Variants in LARGE1 observed in about 807,000 individuals in gnomAD.
LARGE1 encodes the protein LARGE xylosyl- and glucuronyltransferase 1.
A neutral mutation model predicts 87.6 loss-of-function variants in LARGE1; 43 were observed. The ratio of observed to expected loss-of-function variants is 0.49; its 90% CI spans 0.38 to 0.63. The LOEUF (loss-of-function observed/expected upper bound fraction) is 0.63, where lower values mean the gene tolerates loss of function less well. Ranked by LOEUF, LARGE1 falls within the 30% of genes least tolerant of loss-of-function variation. LARGE1 has a pLI of 0.00. For missense variants in LARGE1, 802 were observed against 1,000.2 expected (o/e 0.80, Z 2.67); for synonymous variants, 434 against 394.6 (o/e 1.10, Z -1.18).
At chr22:33,682,593 G>A (rs770652878) in intron 2 of LARGE1, among the ~76,000 whole-genome samples, 4 of 152,098 alleles carry the variant, frequency 2.6e-5, no homozygotes, top group South Asian at 4.1e-4. Context: ...TTCCATTTCC[G>A]CAACTCTTTC....
chr22:33,750,004 T>C (rs1024345485), intron 2 of LARGE1, among the ~76,000 whole-genome samples: 10 of 152,238 alleles, frequency 6.6e-5, no homozygotes, highest in East Asian at 1.9e-4. Context: ...ATCTATAAAA[T>C]GGGACAAGGA....
the LARGE1 span, among the ~76,000 whole-genome samples, chr22:33,081,791 G>A: frequency 6.6e-6 from 1 of 152,168 alleles, no homozygotes; most frequent in Admixed American, 6.5e-5. Flanking sequence ...TAGGGAAAGG[G>A]AGGGGAGAAA....
intron 11 of LARGE1, among the ~76,000 whole-genome samples, chr22:33,192,849 G>C (rs796427862): frequency 2.0e-5 from 3 of 152,192 alleles, no homozygotes; most frequent in African/African-American, 7.2e-5. Context: ...TTTGTGTATG[G>C]GGTGAGATAA....
chr22:33,728,791 AT>A (rs1601442234), intron 2 of LARGE1, among the ~76,000 whole-genome samples: 1 of 152,134 alleles, frequency 6.6e-6, no homozygotes, highest in Non-Finnish European at 1.5e-5. Flanking sequence ...ACACTCAATA[AT>A]TATCAAGTCT....
At chr22:33,456,311 G>A (rs190118729) in intron 6 of LARGE1, among the ~76,000 whole-genome samples, 33 of 152,218 alleles carry the variant, frequency 2.2e-4, no homozygotes, top group Non-Finnish European at 4.0e-4. Flanking sequence ...CATCTATACC[G>A]AGAATCTTCC....
intron 6 of LARGE1, among the ~76,000 whole-genome samples, chr22:33,540,303 C>G (rs1030442801): frequency 2.6e-5 from 4 of 152,204 alleles, no homozygotes; most frequent in African/African-American, 7.2e-5. Context: ...CAAGTCCCCC[C>G]CTGTGCTGTT....
intron 6 of LARGE1, among the ~76,000 whole-genome samples, chr22:33,489,972 G>A (rs2148278515): frequency 6.6e-6 from 1 of 152,266 alleles, no homozygotes; most frequent in African/African-American, 2.4e-5. Context: ...GACTTCACAT[G>A]CACATCTTAC....
chr22:33,860,115 G>A (rs1156636036), intron 1 of LARGE1, among the ~76,000 whole-genome samples: 2 of 152,068 alleles, frequency 1.3e-5, no homozygotes, highest in African/African-American at 4.8e-5. Context: ...TCAATCTTAT[G>A]TGTATTTTAC....
rs556904019 is a variant in LARGE1 at position 33,299,264 on chromosome 22, AAAAG to A, written c.1730+4961_1730+4964del. Among the ~76,000 whole-genome samples, 49 of 151,736 alleles carry A rather than the reference AAAAG, an allele frequency of 3.2e-4. No homozygotes were observed. The South Asian group carries it at 8.2e-3, about 25-fold the overall frequency. ...AAGAGAGAAAATGAGAAAAGAGAGA[AAAAG>A]AAAGAAAGAGAGAGAGAAAGAAAGG... On this transcript the variant is annotated intron_variant, in intron 12 of 14. Transcript: ENST00000397394.
At chr22:33,445,864 G>A (rs944651594) in intron 6 of LARGE1, among the ~76,000 whole-genome samples, 1 of 151,922 alleles carries the variant, frequency 6.6e-6, no homozygotes, top group Non-Finnish European at 1.5e-5. Flanking sequence ...TGGCCAGGCT[G>A]GTCTCGAACT....
At chr22:33,708,001 G>C (rs574821568) in intron 2 of LARGE1, among the ~76,000 whole-genome samples, 3 of 152,234 alleles carry the variant, frequency 2.0e-5, no homozygotes, top group African/African-American at 7.2e-5. Flanking sequence ...CAGGGCCTTA[G>C]AGAGGATGAC....
At chr22:33,297,100 G>C (rs1253844927) in intron 12 of LARGE1, among the ~76,000 whole-genome samples, 3 of 152,188 alleles carry the variant, frequency 2.0e-5, no homozygotes, top group African/African-American at 7.2e-5. Flanking sequence ...CTCTGGGCAG[G>C]CAGCCAGTCA....
intron 3 of LARGE1, among the ~76,000 whole-genome samples, chr22:33,640,575 GTGAGACAGAATCGTTCACTCCCC>G (rs1250200244): frequency 6.6e-6 from 1 of 152,036 alleles, no homozygotes; most frequent in Non-Finnish European, 1.5e-5. Flanking sequence ...TGGAATCCCA[GTGAGACAGAATCGTTCACTCCCC>G]TGGAAAGGGG....
At chr22:33,644,049 T>C (rs2080528305) in intron 3 of LARGE1, among the ~76,000 whole-genome samples, 1 of 152,214 alleles carries the variant, frequency 6.6e-6, no homozygotes, top group South Asian at 2.1e-4. Context: ...GATTCCTCCC[T>C]AACTCATTTT....
intron 2 of LARGE1, among the ~76,000 whole-genome samples, chr22:33,731,293 G>A (rs193103973): frequency 2.6e-5 from 4 of 152,218 alleles, no homozygotes; most frequent in East Asian, 3.9e-4. Context: ...ATGAGCCACC[G>A]CACCCAGCCC....
Position 33,515,536 on chromosome 22 carries a change from T to C in LARGE1, c.787+49312A>G, listed in dbSNP as rs1437911920. On this transcript the variant is annotated intron_variant, in intron 6 of 14. Transcript: ENST00000397394. The stretch of plus-strand genomic sequence containing the variant: ...ACTCATTTTCACAGGGAGCAGAAAA[T>C]AGACAGCCAGGACGATCTTTCCCAG... 3.9e-5 allele frequency among the ~76,000 whole-genome samples: 6 copies of C among 152,158 alleles called. No homozygotes were observed. In the South Asian group the frequency reaches 8.3e-4, roughly 21 times the overall value.
intron 1 of LARGE1, among the ~76,000 whole-genome samples, chr22:33,910,538 C>T (rs549351679): frequency 1.3e-4 from 20 of 152,330 alleles, no homozygotes; most frequent in African/African-American, 4.8e-4. Flanking sequence ...TTGACTTTCA[C>T]TCATCCCCTT....
At chr22:33,447,779 A>G (rs977555076) in intron 6 of LARGE1, among the ~76,000 whole-genome samples, 73 of 152,026 alleles carry the variant, frequency 4.8e-4, no homozygotes, top group Non-Finnish European at 1.8e-4. Flanking sequence ...CACAGGGAGG[A>G]GGAGGAAGGA....
chr22:33,636,437 C>T (rs557096304), intron 3 of LARGE1, among the ~76,000 whole-genome samples: 3 of 152,186 alleles, frequency 2.0e-5, no homozygotes, highest in Admixed American at 6.5e-5. Flanking sequence ...TTGCTCTGAC[C>T]CTTCACCTCA....
Sources: gnomAD v4.1 joint callset for allele counts (sites outside exome capture counted in the v4.1 genomes callset) on GRCh38, gnomAD v4.1.1 for gene constraint, MANE v1.5 for transcripts, NCBI Gene and HGNC (gene_info 2026-07-23, HGNC 2026-07-21) for gene names.